The following CFAP74 variants were observed in gnomAD, a reference collection of about 807,000 sequenced individuals.
CFAP74 encodes the protein cilia and flagella associated protein 74, also known as cilia- and flagella-associated protein 74.
A neutral mutation model predicts 188.9 loss-of-function variants in CFAP74; 124 were observed. The ratio of observed to expected loss-of-function variants is 0.66; its 90% CI spans 0.57 to 0.76. The LOEUF (loss-of-function observed/expected upper bound fraction) is 0.76, where lower values mean the gene tolerates loss of function less well. Ranked by LOEUF, CFAP74 falls within the 30% of genes least tolerant of loss-of-function variation. CFAP74 has a pLI of 0.00. For synonymous variants in CFAP74, 956 were observed against 916.7 expected (o/e 1.04, Z -0.77); for missense variants, 2,198 against 2,165.2 (o/e 1.02, Z -0.30).
chr1:1,961,231 G>A (rs184458197), intron 14 of CFAP74, among the ~76,000 whole-genome samples: 4 of 152,258 alleles, frequency 2.6e-5, no homozygotes, highest in South Asian at 4.1e-4. Flanking sequence ...GGGGAGGGGC[G>A]ATGCCTGGGG....
Position 1,973,119 on chromosome 1 carries a change from C to T in CFAP74, c.675-72G>A, listed in dbSNP as rs1656208087. ...CCATCTGCCCCCAAGCCCTGCACGGCTGGAGCTCGTGTCCCAGAGACGCCG... is the reference window on the plus strand; with the variant it reads ...CCATCTGCCCCCAAGCCCTGCACGGTTGGAGCTCGTGTCCCAGAGACGCCG... On this transcript the variant is annotated intron_variant, in intron 7 of 38. Transcript: ENST00000682832. The surrounding 1 kb of genome is among the most constrained non-coding windows in gnomAD (Gnocchi z 6.2). The T allele has an allele frequency of 2.7e-6, 3 of 1,117,894 alleles. No homozygotes were observed. The Admixed American group carries it at 6.6e-5, about 25-fold the overall frequency. The allele number at this position is 1,117,894 out of a possible 1,614,324, so 69.2% of individuals were successfully genotyped here.
In CFAP74 at chr1:1,926,722, C is replaced by G; in HGVS notation, c.3702G>C (p.Thr1234=). ...NTLYLELWCP[T]VAPSVVVTSH... The stretch of plus-strand genomic sequence containing the variant: ...ACGTCACCACAACAGATGGTGCCAC[C>G]GTCGGGCACCACAGCTCCAGGTACA... Residue 1234 remains threonine (T), a synonymous_variant, in exon 30 of 39, where the codon ACG becomes ACC. Coordinates refer to ENST00000682832, the MANE Select transcript of CFAP74 (RefSeq NM_001304360.2). 1 of 1,550,040 alleles carries G rather than the reference C, an allele frequency of 6.5e-7. No individual in the cohort carries two copies. Among genetic ancestry groups the G allele is most frequent in the Non-Finnish European group, 8.7e-7 (1 of 1,146,844 alleles).
chr1:1,978,260 C>T (rs1570962400), intron 6 of CFAP74, among the ~76,000 whole-genome samples: 1 of 152,166 alleles, frequency 6.6e-6, no homozygotes, highest in African/African-American at 2.4e-5. Flanking sequence ...CTCCGGACTG[C>T]GCGGGGGCCT....
chr1:1,991,204 G>A (rs1210438845), intron 1 of CFAP74, among the ~76,000 whole-genome samples: 10 of 152,194 alleles, frequency 6.6e-5, no homozygotes, highest in Admixed American at 6.5e-5. Flanking sequence ...GGCCGGGCGC[G>A]GTGGCTCATG....
intron 25 of CFAP74, among the ~76,000 whole-genome samples, chr1:1,938,217 GCACT>G (rs1398705175): frequency 6.0e-5 from 8 of 132,496 alleles, no homozygotes; most frequent in African/African-American, 2.4e-4. Flanking sequence ...ACACATACAT[GCACT>G]CACAGTCACA....
rs1237632483 is a variant in CFAP74 at position 1,988,830 on chromosome 1, ACCCCCACCCCCACCCCCACC to A, written c.152+39_152+58del. On this transcript the variant is annotated intron_variant, in intron 3 of 38. Coordinates refer to ENST00000682832, the MANE Select transcript of CFAP74 (RefSeq NM_001304360.2). Reference sequence around the variant, plus strand: ...CCCCGCTCCCTTCACCCACCCCCCCACCCCCACCCCCACCCCCACCCCCCCACACCCACCTCCACCCCCGA... The same window carrying A: ...CCCCGCTCCCTTCACCCACCCCCCCACCCCCACACCCACCTCCACCCCCGA... The A allele has an allele frequency of 1.0e-4, 13 of 130,396 alleles. No individual in the cohort carries two copies. The African/African-American group carries it at 1.0e-3, about 11-fold the overall frequency. The allele number at this position is 130,396 out of a possible 1,614,324, so 8.1% of individuals were successfully genotyped here. A position where few individuals can be genotyped will look rare whatever the true frequency, so the allele number is the denominator to read the frequency against.
intron 25 of CFAP74, among the ~76,000 whole-genome samples, chr1:1,935,071 A>G: frequency 1.3e-5 from 1 of 77,414 alleles, no homozygotes; most frequent in Non-Finnish European, 2.6e-5. Flanking sequence ...ACACGTGTGT[A>G]CGTGGGTGTT....
intron 17 of CFAP74, among the ~76,000 whole-genome samples, chr1:1,956,108 C>T (rs979518809): frequency 3.9e-5 from 6 of 152,268 alleles, no homozygotes; most frequent in African/African-American, 1.2e-4. Flanking sequence ...TGTGCTGCCC[C>T]AGCCTGGGAG....
chr1:1,942,022 AC>A lies in CFAP74; in HGVS notation c.2615+5del. The A allele has an allele frequency of 1.3e-6, 2 of 1,492,486 alleles. No homozygotes were observed. Among genetic ancestry groups the A allele is most frequent in the South Asian group, 2.6e-5 (2 of 77,154 alleles). 92.5% of individuals were successfully genotyped at this position (1,492,486 alleles called of 1,614,324 possible). Reference sequence around the variant, plus strand: ...CCTGTCCCGGCCTTGGCGTCCTGGCACCTACCGCGGCAGGAACTTGAGCTGC... The same window carrying A: ...CCTGTCCCGGCCTTGGCGTCCTGGCACTACCGCGGCAGGAACTTGAGCTGC... On this transcript the variant is annotated splice_donor_5th_base_variant and intron_variant, in intron 22 of 38. Transcript: ENST00000682832. This position sits in a 1 kb window ranked among gnomAD's most constrained non-coding sequence, Gnocchi z 4.3.
chr1:1,982,075 ACATGCGGGGACACGCAGGACACCCAG>A, intron 6 of CFAP74, among the ~76,000 whole-genome samples: 1 of 94,416 alleles, frequency 1.1e-5, no homozygotes, highest in Admixed American at 9.9e-5. Context: ...AGCCGTGGTC[ACATGCGGGGACACGCAGGACACCCAG>A]CCACGGACAG....
At chr1:1,955,153 G>A (rs1490313415) in intron 18 of CFAP74, 6 of 1,269,712 alleles carry the variant, frequency 4.7e-6, no homozygotes, top group South Asian at 3.7e-5. Context: ...CGCACCACGC[G>A]AAGACAGACA....
intron 6 of CFAP74, chr1:1,983,913 T>C (rs1657068152): frequency 6.6e-6 from 1 of 151,848 alleles, no homozygotes; most frequent in African/African-American, 2.4e-5. Flanking sequence ...ATGGTCTCGA[T>C]CTCCTGACCT....
chr1:1,930,153 G>A lies in CFAP74; in HGVS notation c.3195C>T (p.Ala1065=), dbSNP rs774715908. 1.3e-6 allele frequency: 2 copies of A among 1,535,662 alleles called. No homozygotes were observed. Among genetic ancestry groups the A allele is most frequent in the Non-Finnish European group, 8.7e-7 (1 of 1,146,724 alleles). ...HSKPRIGSED[A]SPMGPTSFEF... is the part of the protein sequence containing the mutation. ...CGAAAGACGTGGGCCCCATGGGAGA[G>A]GCGTCCTCTGAGCCAATGCGGGGCT... The change falls in exon 26 of 39, where the codon GCC becomes GCT. Residue 1065 remains alanine (A), a synonymous_variant. Transcript: ENST00000682832.
In CFAP74 at chr1:1,942,069, C is replaced by G. The variant is rs1478867477; in HGVS notation, c.2574G>C (p.Gln858His). 1 of 1,532,202 alleles carries G rather than the reference C, an allele frequency of 6.5e-7. No homozygotes were observed. Among genetic ancestry groups the G allele is most frequent in the Non-Finnish European group, 8.7e-7 (1 of 1,145,468 alleles). The allele number at this position is 1,532,202 out of a possible 1,614,324, so 94.9% of individuals were successfully genotyped here. A position where few individuals can be genotyped will look rare whatever the true frequency, so the allele number is the denominator to read the frequency against. Residue 858 changes from glutamine (Q) to histidine (H), a missense_variant, in exon 22 of 39, where the codon CAG (glutamine) becomes CAC (histidine). Coordinates refer to ENST00000682832, the MANE Select transcript of CFAP74 (RefSeq NM_001304360.2). The surrounding 1 kb of genome is among the most constrained non-coding windows in gnomAD (Gnocchi z 4.3). ...GCTGCACGGAGTAGGACGACTGTGC[C>G]TGGATATAGCCTGTCTTGGGCAGGA... ...LELLPKTGYI[Q>H]AQSSYSVQLK...
At chr1:1,957,980 G>A (rs1654780947) in intron 16 of CFAP74, among the ~76,000 whole-genome samples, 1 of 152,238 alleles carries the variant, frequency 6.6e-6, no homozygotes, top group Admixed American at 6.5e-5. Flanking sequence ...AGTGCCAAGA[G>A]GAAGGGAGAC....
chr1:1,932,082 AAAAACAAAAAAC>A lies in CFAP74; in HGVS notation c.3012-1758_3012-1747del, dbSNP rs1652442409. On this transcript the variant is annotated intron_variant, in intron 25 of 38. Transcript: ENST00000682832. Reference sequence around the variant, plus strand: ...CTCTCGCCTCAAAAAAAAAAAAACAAAAAACAAAAAACAAAAAACTTAGAAAAATGTAGGCCG... The same window carrying A: ...CTCTCGCCTCAAAAAAAAAAAAACAAAAAAAACTTAGAAAAATGTAGGCCG... 3.1e-5 allele frequency among the ~76,000 whole-genome samples: 2 copies of A among 64,952 alleles called. 1 individual carries two copies. Among genetic ancestry groups the A allele is most frequent in the African/African-American group, 7.8e-5 (2 of 25,662 alleles). 42.6% of individuals were successfully genotyped at this position (64,952 alleles called of 152,430 possible). A position where few individuals can be genotyped will look rare whatever the true frequency, so the allele number is the denominator to read the frequency against.
At position 1,973,020 on chromosome 1, in the gene CFAP74, G is replaced by A. The variant is rs369880126; in HGVS notation, c.702C>T (p.Leu234=). 16 of 1,613,946 alleles carry A rather than the reference G, an allele frequency of 9.9e-6. No individual in the cohort carries two copies. In the East Asian group the frequency reaches 1.3e-4, roughly 13 times the overall value. ...CCAGCAGCTTCTGGTGCCTGAGCCC[G>A]AGCTCCTTCTGGGTGTTCAGGGACT... The part of the protein sequence containing the change: ...IRKSLNTQKE[L]GLRHQKLLED... Residue 234 remains leucine, a synonymous_variant, in exon 8 of 39, where the codon CTC becomes CTT. Transcript: ENST00000682832. The surrounding 1 kb of genome is among the most constrained non-coding windows in gnomAD (Gnocchi z 6.2).
chr1:1,936,360 A>G (rs1652896770), intron 25 of CFAP74, among the ~76,000 whole-genome samples: 1 of 150,986 alleles, frequency 6.6e-6, no homozygotes. Flanking sequence ...CCTGTCTAAC[A>G]TGGTGAAACC....
At chr1:1,977,872 C>A (rs1029183275) in intron 6 of CFAP74, among the ~76,000 whole-genome samples, 2 of 152,196 alleles carry the variant, frequency 1.3e-5, no homozygotes, top group African/African-American at 4.8e-5. Flanking sequence ...TGGTGTCTCG[C>A]TCTGTGGCCC....
Sources: allele counts gnomAD v4.1 joint callset (sites outside exome capture counted in the v4.1 genomes callset), GRCh38; gene constraint gnomAD v4.1.1; non-coding constraint Gnocchi (gnomAD v3.1); transcripts MANE v1.5; gene names NCBI Gene and HGNC (gene_info 2026-07-23, HGNC 2026-07-21).